Variants in SND1 observed in about 807,000 individuals in gnomAD.
The protein encoded by SND1 is staphylococcal nuclease domain-containing protein 1.
In SND1, 38 loss-of-function variants were observed where a neutral mutation model predicts 121.7. The observed-to-expected ratio is 0.31, with a 90% confidence interval of 0.24 to 0.41. The LOEUF (loss-of-function observed/expected upper bound fraction) is 0.41. SND1 is among the 10% of genes least tolerant of loss of function. The probability of loss-of-function intolerance (pLI) is 1.00; values close to 1 mark genes in which losing one functional copy is unlikely to be tolerated. For synonymous variants in SND1, 401 were observed against 447.4 expected, an observed-to-expected ratio of 0.90 and a Z score of 1.31; for missense variants, 868 against 1,184.6, an observed-to-expected ratio of 0.73 and a Z score of 3.92.
intron 1 of SND1, among the ~76,000 whole-genome samples, chr7:127,654,883 T>G (rs1385652577): frequency 6.6e-6 from 1 of 152,218 alleles, no homozygotes; most frequent in Non-Finnish European, 1.5e-5. Context: ...ACTGGCAAAT[T>G]GCTGTGTGTG....
chr7:127,989,999 A>G (rs1563080603), intron 15 of SND1, among the ~76,000 whole-genome samples: 1 of 152,172 alleles, frequency 6.6e-6, no homozygotes, highest in Non-Finnish European at 1.5e-5. Context: ...GGATACAAAA[A>G]AAGAGTATGA....
intron 11 of SND1, among the ~76,000 whole-genome samples, chr7:127,808,286 C>T (rs1798275518): frequency 6.6e-6 from 1 of 151,990 alleles, no homozygotes; most frequent in African/African-American, 2.4e-5. Flanking sequence ...CCTCAGCCTC[C>T]AGAATAGCTG....
intron 16 of SND1, among the ~76,000 whole-genome samples, chr7:128,070,793 A>G (rs1420051048): frequency 6.6e-6 from 1 of 152,172 alleles, no homozygotes; most frequent in Admixed American, 6.5e-5. Flanking sequence ...GTCGATCTTC[A>G]TTATTCACCG....
intron 9 of SND1, among the ~76,000 whole-genome samples, chr7:127,718,064 A>G (rs1587617372): frequency 6.6e-6 from 1 of 152,238 alleles, no homozygotes; most frequent in African/African-American, 2.4e-5. Context: ...TTGGGCTTCA[A>G]GAAATGGGGA....
At chr7:127,829,890 A>G (rs1249295782) in intron 11 of SND1, among the ~76,000 whole-genome samples, 5 of 152,192 alleles carry the variant, frequency 3.3e-5, no homozygotes, top group African/African-American at 9.7e-5. Flanking sequence ...GGAAGTTGGG[A>G]AAAAGAAGTG....
At chr7:127,664,504 T>C (rs1795377083) in intron 1 of SND1, among the ~76,000 whole-genome samples, 1 of 152,208 alleles carries the variant, frequency 6.6e-6, no homozygotes, top group African/African-American at 2.4e-5. Context: ...GCATGGAGGC[T>C]GTGCACTCCA....
chr7:127,663,814 GA>G (rs1188726296), intron 1 of SND1, among the ~76,000 whole-genome samples: 1 of 152,172 alleles, frequency 6.6e-6, no homozygotes, highest in Non-Finnish European at 1.5e-5. Context: ...CATGACTAAG[GA>G]AATTTTTGAC....
rs75046596 is a variant in SND1 at position 127,854,843 on chromosome 7, G to T, written c.1343+10419G>T. 6.6e-5 allele frequency among the ~76,000 whole-genome samples: 10 copies of T among 152,098 alleles called. No homozygotes were observed. In the East Asian group the frequency reaches 1.9e-3, roughly 29 times the overall value. The stretch of plus-strand genomic sequence containing the variant: ...TTTTTATAAATTTTTGTAACTCACA[G>T]TAGTGATTCTGCTTAAAAGGGATTT... On this transcript the variant is annotated intron_variant, in intron 12 of 23. Coordinates refer to ENST00000354725, the MANE Select transcript of SND1 (RefSeq NM_014390.4).
In SND1 at chr7:127,983,696, C is replaced by A. The variant is rs1022317568; in HGVS notation, c.1670-7251C>A. On this transcript the variant is annotated intron_variant, in intron 15 of 23. Transcript: ENST00000354725. ...ATTTAAAGCAGAGGTATTGAATATT[C>A]AATATTCAATAATATTGAATATTAT... 7.2e-5 allele frequency among the ~76,000 whole-genome samples: 11 copies of A among 151,880 alleles called. No homozygotes were observed. In the East Asian group the frequency reaches 9.6e-4, roughly 13 times the overall value.
At chr7:127,844,122 T>C (rs1799014211) in intron 11 of SND1, among the ~76,000 whole-genome samples, 1 of 152,244 alleles carries the variant, frequency 6.6e-6, no homozygotes, top group Non-Finnish European at 1.5e-5. Flanking sequence ...TTTAGATAAA[T>C]GTTCTTTATT....
intron 12 of SND1, among the ~76,000 whole-genome samples, chr7:127,878,829 A>G (rs929549162): frequency 2.0e-5 from 3 of 152,210 alleles, no homozygotes; most frequent in Non-Finnish European, 4.4e-5. Flanking sequence ...TAGTAAATCT[A>G]TAAAGCATGT....
intron 16 of SND1, among the ~76,000 whole-genome samples, chr7:128,033,055 G>GC (rs1391069394): frequency 1.3e-5 from 2 of 152,178 alleles, no homozygotes; most frequent in African/African-American, 4.8e-5. Context: ...GCTCCCCGCT[G>GC]CCCCCAGAGA....
intron 1 of SND1, among the ~76,000 whole-genome samples, chr7:127,670,973 C>A (rs1387480073): frequency 6.6e-6 from 1 of 152,148 alleles, no homozygotes; most frequent in African/African-American, 2.4e-5. Flanking sequence ...AAGCGTCTAC[C>A]ATTTTATTTC....
intron 12 of SND1, among the ~76,000 whole-genome samples, chr7:127,887,413 A>G (rs1024869873): frequency 2.0e-5 from 3 of 152,146 alleles, no homozygotes; most frequent in Admixed American, 6.6e-5. Context: ...CTTATAAGAG[A>G]AACACTTCGT....
At chr7:128,009,978 A>C (rs887812177) in intron 16 of SND1, among the ~76,000 whole-genome samples, 1 of 152,198 alleles carries the variant, frequency 6.6e-6, no homozygotes, top group Non-Finnish European at 1.5e-5. Flanking sequence ...CAGAGAGAAA[A>C]GAAGGGAATG....
chr7:128,023,610 GATA>G (rs1171082924), intron 16 of SND1, among the ~76,000 whole-genome samples: 1 of 152,172 alleles, frequency 6.6e-6, no homozygotes, highest in Non-Finnish European at 1.5e-5. Flanking sequence ...TTCCTGGGAG[GATA>G]AGTATAACCA....
Position 128,089,631 on chromosome 7 carries a change from G to A in SND1, c.2561G>A (p.Gly854Asp). 1.2e-6 allele frequency: 2 copies of A among 1,614,198 alleles called. No homozygotes were observed. Among genetic ancestry groups the A allele is most frequent in the Non-Finnish European group, 1.7e-6 (2 of 1,180,040 alleles). Residue 854 changes from glycine to aspartate, a missense_variant, in exon 22 of 24, where the codon GGC (glycine) becomes GAC (aspartate). Physicochemically the swap from Gly to Asp is moderately conservative, Grantham distance 94. This residue lies in a region of SND1 where 743 missense variants were observed against 1,071.3 expected (regional missense o/e 0.69). Coordinates refer to ENST00000354725, the MANE Select transcript of SND1 (RefSeq NM_014390.4). ...GATTCCAAGGGCGATGTGGGGCTGG[G>A]CTTGGTGAAGGAAGGGCTGGTCATG... ...FADSKGDVGL[G>D]LVKEGLVMVE... is the part of the protein sequence containing the mutation.
At chr7:128,027,454 T>C (rs1290575586) in intron 16 of SND1, 1 of 152,560 alleles carries the variant, frequency 6.6e-6, no homozygotes, top group African/African-American at 2.4e-5. Context: ...AAAGGCTTCA[T>C]TACTTTACGT....
intron 21 of SND1, 99 bp from the exon 22 acceptor site, chr7:128,089,390 C>T: frequency 8.4e-7 from 1 of 1,192,914 alleles, no homozygotes; most frequent in South Asian, 1.4e-5. Context: ...AAATTACAGG[C>T]CCCTGCTGGC....
Sources: gnomAD v4.1 joint callset for allele counts (sites outside exome capture counted in the v4.1 genomes callset) on GRCh38, gnomAD v4.1.1 for gene constraint, gnomAD v4.1.1 regional missense constraint, MANE v1.5 for transcripts, NCBI Gene and HGNC (gene_info 2026-07-23, HGNC 2026-07-21) for gene names.